The following USP34 variants were observed in gnomAD, a reference collection of about 807,000 sequenced individuals.
The protein encoded by USP34 is ubiquitin carboxyl-terminal hydrolase 34.
Under a neutral mutation model 460.3 loss-of-function variants are expected in USP34, and 70 were observed. The observed-to-expected ratio is 0.15, with a 90% confidence interval of 0.13 to 0.19. The LOEUF is 0.19. Among genes scored for constraint, USP34 ranks in the 10% least tolerant of loss-of-function variants. The probability of loss-of-function intolerance (pLI) is 1.00; values close to 1 mark genes in which losing one functional copy is unlikely to be tolerated. For synonymous variants in USP34, 1,647 were observed against 1,405.3 expected (o/e 1.17, Z -3.85); for missense variants, 3,985 against 4,236.2 (o/e 0.94, Z 1.65).
chr2:61,406,563 A>C (rs1478182472), intron 2 of USP34, among the ~76,000 whole-genome samples: 2 of 152,044 alleles, frequency 1.3e-5, no homozygotes, highest in Non-Finnish European at 2.9e-5. Flanking sequence ...TTTTAGATTA[A>C]TGTCCTTGAA....
intron 10 of USP34, among the ~76,000 whole-genome samples, chr2:61,365,424 A>G (rs1692406683): frequency 6.6e-6 from 1 of 152,152 alleles, no homozygotes; most frequent in Non-Finnish European, 1.5e-5. Context: ...TTAAAAAAAG[A>G]CAAACCACAT....
chr2:61,423,217 G>C (rs890594512), intron 1 of USP34, among the ~76,000 whole-genome samples: 1 of 152,086 alleles, frequency 6.6e-6, no homozygotes, highest in African/African-American at 2.4e-5. Flanking sequence ...AGGTTCAAGC[G>C]ATTCTCCTGC....
chr2:61,314,863 C>CA lies in USP34; in HGVS notation c.3382+11dup. ...AGAAATTACCTATCAGACAATGTTT[C>CA]AAATCACTTACCATTAATATAATAG... On this transcript the variant is annotated intron_variant, in intron 24 of 79. Transcript: ENST00000398571. 3 of 1,601,794 alleles carry CA rather than the reference C, an allele frequency of 1.9e-6. No individual in the cohort carries two copies. Among genetic ancestry groups the CA allele is most frequent in the Non-Finnish European group, 2.5e-6 (3 of 1,176,808 alleles).
chr2:61,275,216 T>C (rs994154752), intron 41 of USP34, among the ~76,000 whole-genome samples: 1 of 151,866 alleles, frequency 6.6e-6, no homozygotes, highest in African/African-American at 2.4e-5. Context: ...GAGGTGGAGG[T>C]TGCAGTGAGC....
intron 1 of USP34, among the ~76,000 whole-genome samples, chr2:61,433,169 G>A (rs1694724756): frequency 6.6e-6 from 1 of 152,186 alleles, no homozygotes; most frequent in African/African-American, 2.4e-5. Flanking sequence ...ACCTGTTGGT[G>A]ACAAAGTCCA....
chr2:61,198,303 A>G lies in USP34; in HGVS notation c.9508+4837T>C, dbSNP rs921309374. The stretch of plus-strand genomic sequence containing the variant: ...TATTTTTACATTTTTATGTAATTCA[A>G]TGAACATGCCTGTCTTATTTGTTTT... On this transcript the variant is annotated intron_variant, in intron 75 of 79. Transcript: ENST00000398571. Among the ~76,000 whole-genome samples, 9 of 152,312 alleles carry G rather than the reference A, an allele frequency of 5.9e-5. No individual in the cohort carries two copies. In the East Asian group the frequency reaches 1.5e-3, roughly 26 times the overall value.
intron 1 of USP34, among the ~76,000 whole-genome samples, chr2:61,451,928 C>A (rs544284857): frequency 6.6e-6 from 1 of 152,278 alleles, no homozygotes; most frequent in African/African-American, 2.4e-5. Flanking sequence ...GGAATCCCAG[C>A]ACTTTGGGAG....
At chr2:61,354,869 C>T (rs1185899679) in intron 10 of USP34, among the ~76,000 whole-genome samples, 2 of 152,164 alleles carry the variant, frequency 1.3e-5, no homozygotes, top group African/African-American at 2.4e-5. Context: ...TGCTTCAATG[C>T]TCACCTCCAA....
intron 10 of USP34, among the ~76,000 whole-genome samples, chr2:61,359,518 T>A (rs901703169): frequency 4.6e-5 from 7 of 152,182 alleles, no homozygotes; most frequent in African/African-American, 1.7e-4. Flanking sequence ...GTAATCTTCA[T>A]GACATTGGAT....
rs1255115098 is a variant in USP34 at position 61,284,347 on chromosome 2, G to A, written c.4832+528C>T. ...CTGAAAAGTACTCTATAAAATAACT[G>A]GCCTGCATTACTTGAAAATGTATCA... is the stretch of plus-strand genomic sequence containing the variant. On this transcript the variant is annotated intron_variant, in intron 35 of 79. Coordinates refer to ENST00000398571, the MANE Select transcript of USP34 (RefSeq NM_014709.4). Among the ~76,000 whole-genome samples, 6 of 152,128 alleles carry A rather than the reference G, an allele frequency of 3.9e-5. No homozygotes were observed. The East Asian group carries it at 1.2e-3, about 29-fold the overall frequency.
intron 1 of USP34, among the ~76,000 whole-genome samples, chr2:61,439,630 C>A (rs1573043061): frequency 6.6e-6 from 1 of 152,192 alleles, no homozygotes; most frequent in East Asian, 1.9e-4. Context: ...CTCCTGTGTG[C>A]TCCAAGAAGG....
intron 10 of USP34, among the ~76,000 whole-genome samples, chr2:61,357,898 C>T (rs931055740): frequency 6.6e-6 from 1 of 152,014 alleles, no homozygotes; most frequent in African/African-American, 2.4e-5. Context: ...CTTTACAAAA[C>T]AGTAAGAATG....
intron 1 of USP34, among the ~76,000 whole-genome samples, chr2:61,421,774 AACAC>A (rs34490089): frequency 6.5e-4 from 97 of 149,258 alleles, no homozygotes; most frequent in South Asian, 6.3e-3. Flanking sequence ...TTACATTTAA[AACAC>A]ACACACACAC....
rs146833181 is a variant in USP34, at chr2:61,441,331, G to A, written c.44-20498C>T. Reference sequence around the variant, plus strand: ...GCCCTTTGGAATTAAAGTCACCCAGGCAGGTTAAACCTCTTATACTTTCTG... The same window carrying A: ...GCCCTTTGGAATTAAAGTCACCCAGACAGGTTAAACCTCTTATACTTTCTG... On this transcript the variant is annotated intron_variant, in intron 1 of 79. Coordinates refer to ENST00000398571, the MANE Select transcript of USP34 (RefSeq NM_014709.4). Among the ~76,000 whole-genome samples, 906 of 151,954 alleles carry A rather than the reference G, an allele frequency of 6.0e-3. 7 individuals are homozygous for A. Among genetic ancestry groups the A allele is most frequent in the African/African-American group, 0.021 (859 of 41,438 alleles).
chr2:61,237,804 G>C (rs1255615198), intron 53 of USP34, among the ~76,000 whole-genome samples: 1 of 150,688 alleles, frequency 6.6e-6, no homozygotes, highest in Non-Finnish European at 1.5e-5. Context: ...TTGAACTCCT[G>C]GGGTCAAGCA....
chr2:61,196,324 T>C (rs1336898643), intron 75 of USP34, among the ~76,000 whole-genome samples: 1 of 150,792 alleles, frequency 6.6e-6, no homozygotes, highest in Non-Finnish European at 1.5e-5. Context: ...TCTCCTGACC[T>C]CGTGATCCAC....
chr2:61,188,363 G>A lies in USP34; in HGVS notation c.10380C>T (p.Thr3460=), dbSNP rs183972127. The part of the protein sequence containing the change: ...FKDLHCSKDS[T]LAEEESEFPS... ...GGAACTCAGATTCTTCCTCAGCTAG[G>A]GTAGAATCCTTGGAACAGTGGAGGT... is the stretch of plus-strand genomic sequence containing the variant. Residue 3460 remains threonine (T), a synonymous_variant, in exon 80 of 80, where the codon ACC becomes ACT. Coordinates refer to ENST00000398571, the MANE Select transcript of USP34 (RefSeq NM_014709.4). 1.9e-6 allele frequency: 3 copies of A among 1,613,776 alleles called. No homozygotes were observed. Among genetic ancestry groups the A allele is most frequent in the East Asian group, 2.2e-5 (1 of 44,882 alleles).
At chr2:61,379,561 G>A (rs995196042) in intron 7 of USP34, among the ~76,000 whole-genome samples, 1 of 152,078 alleles carries the variant, frequency 6.6e-6, no homozygotes, top group Non-Finnish European at 1.5e-5. Flanking sequence ...AAATGTAAAG[G>A]AGTAAAGCAA....
At chr2:61,344,805 T>A (rs1055654806) in intron 15 of USP34, among the ~76,000 whole-genome samples, 1 of 152,202 alleles carries the variant, frequency 6.6e-6, no homozygotes, top group African/African-American at 2.4e-5. Flanking sequence ...TGGTTCCCAA[T>A]CAGGGGTGAA....
Sources: allele counts gnomAD v4.1 joint callset (sites outside exome capture counted in the v4.1 genomes callset), GRCh38; gene constraint gnomAD v4.1.1; transcripts MANE v1.5; gene names NCBI Gene and HGNC (gene_info 2026-07-23, HGNC 2026-07-21).